Variants in SLC10A1 observed in about 807,000 individuals in gnomAD.
SLC10A1 encodes hepatic sodium/bile acid cotransporter.
Under a neutral mutation model 20.5 loss-of-function variants are expected in SLC10A1, and 36 were observed. That is an observed-to-expected ratio of 1.75 (90% CI 1.34 to 2.32). The LOEUF (loss-of-function observed/expected upper bound fraction) is 2.32. SLC10A1 is among the 30% of genes most tolerant of loss of function. SLC10A1 has a pLI of 0.00. For synonymous variants in SLC10A1, 188 were observed against 163.6 expected, an observed-to-expected ratio of 1.15 and a Z score of -1.14; for missense variants, 545 against 439.1, an observed-to-expected ratio of 1.24 and a Z score of -2.16.
rs200797904 is a variant in SLC10A1 at position 69,775,942 on chromosome 14, A to G, written c.*340T>C. 14 of 228,408 alleles carry G rather than the reference A, an allele frequency of 6.1e-5. No individual in the cohort carries two copies. The highest frequency in any genetic ancestry group is 1.5e-3 in the Middle Eastern group (1 of 674). The allele number at this position is 228,408 out of a possible 1,614,324, so 14.1% of individuals were successfully genotyped here. On this transcript the variant is annotated 3_prime_UTR_variant, in exon 5 of 5. Coordinates refer to ENST00000216540, the MANE Select transcript of SLC10A1 (RefSeq NM_003049.4). The stretch of plus-strand genomic sequence containing the variant: ...TGGGTATTTGAGTAATGGGTTAAAC[A>G]TATATATTGATTAGTTCAGGAATTG...
At chr14:69,777,629 T>C (rs1883480564) in intron 4 of SLC10A1, among the ~76,000 whole-genome samples, 1 of 135,106 alleles carries the variant, frequency 7.4e-6, no homozygotes, top group African/African-American at 2.6e-5. Context: ...AAGTGCACTT[T>C]GAGGAAGGCA....
At position 69,776,121 on chromosome 14, in the gene SLC10A1, CCTGT is replaced by C. The variant is rs1883439823; in HGVS notation, c.*157_*160del. 1 of 603,408 alleles carries C rather than the reference CCTGT, an allele frequency of 1.7e-6. No individual in the cohort carries two copies. The allele number at this position is 603,408 out of a possible 1,614,324, so 37.4% of individuals were successfully genotyped here. A position where few individuals can be genotyped will look rare whatever the true frequency, so the allele number is the denominator to read the frequency against. ...TAGGTGAGGCTTCTTGGGTAGACAC[CCTGT>C]CTGTGTTCCCGGCCAAGACTTGATG... On this transcript the variant is annotated 3_prime_UTR_variant, in exon 5 of 5. Transcript: ENST00000216540.
chr14:69,797,222 G>A lies in SLC10A1; in HGVS notation c.-67C>T. 4.4e-6 allele frequency: 6 copies of A among 1,348,464 alleles called. No homozygotes were observed. Among genetic ancestry groups the A allele is most frequent in the Non-Finnish European group, 6.2e-6 (6 of 973,896 alleles). The allele number at this position is 1,348,464 out of a possible 1,614,324, so 83.5% of individuals were successfully genotyped here. A position where few individuals can be genotyped will look rare whatever the true frequency, so the allele number is the denominator to read the frequency against. ...TGACTCCGTTTCTTGTGCAGTTCTT[G>A]CTGGATGCCTTCTTTAATCACCTCT... On this transcript the variant is annotated 5_prime_UTR_variant, in exon 1 of 5. Transcript: ENST00000216540.
rs1882393366 is a variant in SLC10A1, at chr14:69,796,800, C to G, written c.356G>C (p.Ser119Thr). 6.2e-7 allele frequency: 1 copy of G among 1,612,228 alleles called. No homozygotes were observed. The highest frequency in any genetic ancestry group is 1.3e-5 in the African/African-American group (1 of 74,908). The change falls in exon 1 of 5, where the codon AGC becomes ACC. Residue 119 changes from serine to threonine, a missense_variant and splice_region_variant. Coordinates refer to ENST00000216540, the MANE Select transcript of SLC10A1 (RefSeq NM_003049.4). Reference sequence around the variant, plus strand: ...GTTCCCTCCTCACCCCCAGGCCTACCTGAGGTTCATGTCCCCCTTCATGGC... The same window carrying G: ...GTTCCCTCCTCACCCCCAGGCCTACGTGAGGTTCATGTCCCCCTTCATGGC... ...SLAMKGDMNL[S>T]IVMTTCSTFC...
intron 2 of SLC10A1, among the ~76,000 whole-genome samples, chr14:69,784,077 C>T (rs1195102368): frequency 1.3e-5 from 2 of 152,110 alleles, no homozygotes; most frequent in African/African-American, 2.4e-5. Context: ...CTGGAAGTCT[C>T]GGTTTGCAGA....
rs199604394 is a variant in SLC10A1 at position 69,778,407 on chromosome 14, A to C, written c.869T>G (p.Met290Arg). The C allele has an allele frequency of 1.6e-5, 26 of 1,613,950 alleles. No individual in the cohort carries two copies. The highest frequency in any genetic ancestry group is 2.1e-5 in the Non-Finnish European group (25 of 1,180,006). ...AAGCCCTTCTCCAAGCTGGAAAATC[A>C]TGTAGAGGAGGGGAAAGAAGAAAAG... ...GPLFFFPLLY[M>R]IFQLGEGLLL... is the part of the protein sequence containing the mutation. Residue 290 changes from methionine to arginine, a missense_variant, in exon 4 of 5, where the codon ATG (methionine) becomes AGG (arginine). Physicochemically the swap from Met to Arg is moderately conservative, Grantham distance 91. Coordinates refer to ENST00000216540, the MANE Select transcript of SLC10A1 (RefSeq NM_003049.4).
intron 1 of SLC10A1, among the ~76,000 whole-genome samples, chr14:69,789,328 G>A (rs1177647668): frequency 1.3e-5 from 2 of 152,300 alleles, no homozygotes; most frequent in Non-Finnish European, 1.5e-5. Flanking sequence ...CTGAATGAAT[G>A]GATGAGCAAA....
Position 69,776,080 on chromosome 14 carries a change from A to T in SLC10A1, c.*202T>A. The T allele has an allele frequency of 3.6e-6, 2 of 561,202 alleles. No individual in the cohort carries two copies. Among genetic ancestry groups the T allele is most frequent in the African/African-American group, 1.9e-5 (1 of 52,882 alleles). The allele number at this position is 561,202 out of a possible 1,614,324, so 34.8% of individuals were successfully genotyped here. A position where few individuals can be genotyped will look rare whatever the true frequency, so the allele number is the denominator to read the frequency against. The stretch of plus-strand genomic sequence containing the variant: ...GAACAAGTCTTTAAAATAAGTAGCA[A>T]ATTCTAAGTTGGGGATAGGTGAGGC... On this transcript the variant is annotated 3_prime_UTR_variant, in exon 5 of 5. Transcript: ENST00000216540.
At position 69,776,189 on chromosome 14, in the gene SLC10A1, A is replaced by G. The variant is rs1157893554; in HGVS notation, c.*93T>C. 1.3e-5 allele frequency: 11 copies of G among 831,918 alleles called. No homozygotes were observed. Among genetic ancestry groups the G allele is most frequent in the Non-Finnish European group, 1.6e-5 (8 of 503,864 alleles). The allele number at this position is 831,918 out of a possible 1,614,324, so 51.5% of individuals were successfully genotyped here. On this transcript the variant is annotated 3_prime_UTR_variant, in exon 5 of 5. Coordinates refer to ENST00000216540, the MANE Select transcript of SLC10A1 (RefSeq NM_003049.4). Reference sequence around the variant, plus strand: ...TACTGGAAATGCTGGAGAAAGACTCAGGCAAGACTGGTGTTTTTGCTGCTC... The same window carrying G: ...TACTGGAAATGCTGGAGAAAGACTCGGGCAAGACTGGTGTTTTTGCTGCTC...
At chr14:69,790,183 A>G (rs1883807094) in intron 1 of SLC10A1, among the ~76,000 whole-genome samples, 1 of 152,190 alleles carries the variant, frequency 6.6e-6, no homozygotes, top group African/African-American at 2.4e-5. Flanking sequence ...CATTTAAGAC[A>G]TTTAATAAGC....
chr14:69,781,092 T>C (rs1413011057), intron 2 of SLC10A1, among the ~76,000 whole-genome samples: 1 of 152,096 alleles, frequency 6.6e-6, no homozygotes, highest in Non-Finnish European at 1.5e-5. Context: ...GTGTGTAAGC[T>C]CTGGGGAGTC....
chr14:69,791,448 C>T (rs1430251678), intron 1 of SLC10A1, among the ~76,000 whole-genome samples: 1 of 151,976 alleles, frequency 6.6e-6, no homozygotes. Flanking sequence ...CTACAGGCGC[C>T]CGCCACCACG....
At chr14:69,781,264 G>T (rs1883584940) in intron 2 of SLC10A1, among the ~76,000 whole-genome samples, 1 of 152,188 alleles carries the variant, frequency 6.6e-6, no homozygotes, top group Non-Finnish European at 1.5e-5. Context: ...TACAACCCCT[G>T]TCTCCTGCTG....
intron 1 of SLC10A1, among the ~76,000 whole-genome samples, chr14:69,792,399 A>G (rs1254073626): frequency 6.6e-6 from 1 of 152,234 alleles, no homozygotes; most frequent in Non-Finnish European, 1.5e-5. Flanking sequence ...AAACAGGCAA[A>G]GGACCCAATG....
At chr14:69,778,045 A>G (rs1883490211) in intron 4 of SLC10A1, among the ~76,000 whole-genome samples, 2 of 152,094 alleles carry the variant, frequency 1.3e-5, no homozygotes, top group Non-Finnish European at 1.5e-5. Flanking sequence ...GTTTTGTCCT[A>G]TGATGTCTCC....
At chr14:69,780,497 GTAAAA>G (rs765408074) in intron 2 of SLC10A1, among the ~76,000 whole-genome samples, 13 of 146,442 alleles carry the variant, frequency 8.9e-5, no homozygotes, top group Non-Finnish European at 1.8e-4. Flanking sequence ...TTTTAAAAAA[GTAAAA>G]TATGTATAGC....
rs541801766 is a variant in SLC10A1, at chr14:69,778,503, G to C, written c.773C>G (p.Thr258Ser). 1 of 1,611,292 alleles carries C rather than the reference G, an allele frequency of 6.2e-7. No homozygotes were observed. Among genetic ancestry groups the C allele is most frequent in the African/African-American group, 1.3e-5 (1 of 74,944 alleles). ...GRCRRTVSMETGCQNVQLCST... is the reference protein window; with the variant it reads ...GRCRRTVSMESGCQNVQLCST... ...ACAGAGTTGGACATTTTGGCATCCAGTCTCCATGCTGACAGTGCGTCTGCA... is the reference window on the plus strand; with the variant it reads ...ACAGAGTTGGACATTTTGGCATCCACTCTCCATGCTGACAGTGCGTCTGCA... Residue 258 changes from threonine to serine, a missense_variant, in exon 4 of 5, where the codon ACT becomes AGT. Physicochemically the swap from Thr to Ser is moderately conservative, Grantham distance 58. Transcript: ENST00000216540.
At chr14:69,789,653 A>C (rs927369122) in intron 1 of SLC10A1, among the ~76,000 whole-genome samples, 2 of 152,198 alleles carry the variant, frequency 1.3e-5, no homozygotes, top group Non-Finnish European at 2.9e-5. Flanking sequence ...CTAAAAACCA[A>C]GGCATCGTAC....
rs200052649 is a variant in SLC10A1 at position 69,776,138 on chromosome 14, C to A, written c.*144G>T. ...GTAGACACCCTGTCTGTGTTCCCGG[C>A]CAAGACTTGATGATTCTGATAGATG... is the stretch of plus-strand genomic sequence containing the variant. On this transcript the variant is annotated 3_prime_UTR_variant, in exon 5 of 5. Transcript: ENST00000216540. 2.3e-5 allele frequency: 15 copies of A among 650,082 alleles called. No homozygotes were observed. The highest frequency in any genetic ancestry group is 3.5e-5 in the Non-Finnish European group (13 of 369,820). The allele number at this position is 650,082 out of a possible 1,614,324, so 40.3% of individuals were successfully genotyped here.
Sources: allele counts gnomAD v4.1 joint callset (sites outside exome capture counted in the v4.1 genomes callset), GRCh38; gene constraint gnomAD v4.1.1; transcripts MANE v1.5; gene names NCBI Gene and HGNC (gene_info 2026-07-23, HGNC 2026-07-21).